The following SGIP1 variants were observed in gnomAD, a reference collection of about 807,000 sequenced individuals.
SGIP1 encodes the protein SH3GL interacting endocytic adaptor 1.
A neutral mutation model predicts 107.5 loss-of-function variants in SGIP1; 38 were observed. That is an observed-to-expected ratio of 0.35 (90% confidence interval 0.27 to 0.46). SGIP1 has a LOEUF of 0.46. SGIP1 is among the 20% of genes least tolerant of loss of function. The probability of loss-of-function intolerance (pLI) is 1.00; values close to 1 mark genes in which losing one functional copy is unlikely to be tolerated. For synonymous variants in SGIP1, 365 were observed against 366.1 expected (o/e 1.00, Z 0.03); for missense variants, 929 against 1,019.5 (o/e 0.91, Z 1.21).
chr1:66,536,476 G>T (rs949058588), intron 1 of SGIP1, among the ~76,000 whole-genome samples: 3 of 152,172 alleles, frequency 2.0e-5, no homozygotes, highest in African/African-American at 4.8e-5. Context: ...TTCCAACTTA[G>T]TTGACAGTCT....
intron 1 of SGIP1, among the ~76,000 whole-genome samples, chr1:66,558,719 C>G (rs2058526433): frequency 6.6e-6 from 1 of 151,248 alleles, no homozygotes; most frequent in Non-Finnish European, 1.5e-5. Flanking sequence ...TTAGCTTAGC[C>G]TTCAGTTTGT....
chr1:66,605,318 T>C (rs1353122458), intron 1 of SGIP1, among the ~76,000 whole-genome samples: 2 of 152,204 alleles, frequency 1.3e-5, no homozygotes, highest in Non-Finnish European at 2.9e-5. Flanking sequence ...GACCAGCCAA[T>C]TGCTCTATGG....
chr1:66,742,032 C>T (rs1428553009), intron 24 of SGIP1, among the ~76,000 whole-genome samples: 1 of 152,148 alleles, frequency 6.6e-6, no homozygotes, highest in East Asian at 1.9e-4. Flanking sequence ...TCCTAAAGTA[C>T]TAAGATTATA....
intron 1 of SGIP1, among the ~76,000 whole-genome samples, chr1:66,547,152 T>C (rs2056551642): frequency 6.6e-6 from 1 of 152,204 alleles, no homozygotes; most frequent in South Asian, 2.1e-4. Context: ...TTTAAAACTC[T>C]ATGATGAATC....
rs1368678434 is a variant in SGIP1 at position 66,743,992 on chromosome 1, T to C, written c.*897T>C. ...TTTAAGATTTCAAGACTTTCCGTAG[T>C]TGAACTGGTTAAGAATTTTTGCTTA... On this transcript the variant is annotated 3_prime_UTR_variant, in exon 25 of 25. Coordinates refer to ENST00000371037, the MANE Select transcript of SGIP1 (RefSeq NM_032291.4). 6.6e-6 allele frequency: 1 copy of C among 152,198 alleles called. No homozygotes were observed. Among genetic ancestry groups the C allele is most frequent in the East Asian group, 1.9e-4 (1 of 5,204 alleles). The allele number at this position is 152,198 out of a possible 1,614,324, so 9.4% of individuals were successfully genotyped here.
intron 1 of SGIP1, among the ~76,000 whole-genome samples, chr1:66,572,069 T>G (rs1025641849): frequency 6.6e-6 from 1 of 152,022 alleles, no homozygotes; most frequent in Non-Finnish European, 1.5e-5. Context: ...AGCACCACCA[T>G]AGTGTCCAAC....
intron 1 of SGIP1, among the ~76,000 whole-genome samples, chr1:66,544,990 C>A (rs946480194): frequency 6.6e-6 from 1 of 152,114 alleles, no homozygotes; most frequent in Admixed American, 6.5e-5. Flanking sequence ...TTCCTCCTTC[C>A]TTCCTGTCCT....
intron 18 of SGIP1, among the ~76,000 whole-genome samples, chr1:66,716,007 T>A (rs953886203): frequency 6.6e-6 from 1 of 152,158 alleles, no homozygotes; most frequent in African/African-American, 2.4e-5. Flanking sequence ...TTGCCTCATT[T>A]TATCCTCAGA....
At chr1:66,596,663 G>A (rs1224868286) in intron 1 of SGIP1, among the ~76,000 whole-genome samples, 1 of 151,272 alleles carries the variant, frequency 6.6e-6, no homozygotes, top group Non-Finnish European at 1.5e-5. Context: ...GCCCCTATCA[G>A]CCTAGGCATT....
chr1:66,665,484 C>T (rs1392922488), intron 8 of SGIP1, among the ~76,000 whole-genome samples: 1 of 152,174 alleles, frequency 6.6e-6, no homozygotes, highest in Non-Finnish European at 1.5e-5. Flanking sequence ...TGGGTATATA[C>T]CCAGTAATGG....
intron 1 of SGIP1, among the ~76,000 whole-genome samples, chr1:66,598,488 G>A (rs954422816): frequency 3.3e-5 from 5 of 152,146 alleles, no homozygotes; most frequent in Admixed American, 1.3e-4. Context: ...TTGTTCTCAT[G>A]TGCTATAAAG....
chr1:66,570,753 C>T (rs2060273213), intron 1 of SGIP1, among the ~76,000 whole-genome samples: 1 of 151,920 alleles, frequency 6.6e-6, no homozygotes. Context: ...ATCACTTGCT[C>T]ACCCACCATG....
intron 1 of SGIP1, among the ~76,000 whole-genome samples, chr1:66,535,291 T>C (rs991901494): frequency 1.3e-5 from 2 of 152,204 alleles, no homozygotes; most frequent in African/African-American, 2.4e-5. Context: ...GCAAAACTCC[T>C]GGCCTTTCCT....
chr1:66,625,749 T>C (rs1413234230), intron 1 of SGIP1, 98 bp from the exon 2 acceptor site: 2 of 1,020,448 alleles, frequency 2.0e-6, no homozygotes, highest in African/African-American at 3.2e-5. Context: ...TTCATTGCTT[T>C]CTAAACATTT....
At chr1:66,720,872 G>A (rs963153944) in intron 19 of SGIP1, among the ~76,000 whole-genome samples, 2 of 152,080 alleles carry the variant, frequency 1.3e-5, no homozygotes, top group South Asian at 2.1e-4. Flanking sequence ...AGTGGAAATT[G>A]GTATAACTAA....
Position 66,719,313 on chromosome 1 carries a change from C to T in SGIP1, c.1650C>T (p.Ser550=). The change falls in exon 19 of 25, where the codon AGC becomes AGT. Residue 550 remains serine (S), a synonymous_variant. Transcript: ENST00000371037. The part of the protein sequence containing the change: ...LTFEGSSRGP[S]PLTMGAQDTL... ...ATGCAGGTTCTTCCAGGGGACCCAG[C>T]CCCCTAACCATGGGAGCTCAGGACA... The T allele has an allele frequency of 6.2e-7, 1 of 1,612,324 alleles. No individual in the cohort carries two copies. The highest frequency in any genetic ancestry group is 8.5e-7 in the Non-Finnish European group (1 of 1,178,970).
At chr1:66,698,723 G>T (rs1471284846) in intron 18 of SGIP1, among the ~76,000 whole-genome samples, 2 of 152,084 alleles carry the variant, frequency 1.3e-5, no homozygotes, top group African/African-American at 4.8e-5. Flanking sequence ...GTATCCTATT[G>T]AAGCTATCAA....
chr1:66,642,907 C>A, intron 6 of SGIP1, 43 bp downstream of exon 6: 8 of 1,479,768 alleles, frequency 5.4e-6, no homozygotes, highest in Non-Finnish European at 7.5e-6. Flanking sequence ...CATTCACTCT[C>A]AGAAAACAGT....
rs192254928 is a variant in SGIP1, at chr1:66,554,697, C to G, written c.10+20329C>G. ...TTGTGTTTAGACTTGGGTCTCATCC[C>G]CAAGATACCTCCTAAGGCATATGCA... On this transcript the variant is annotated intron_variant, in intron 1 of 24. Transcript: ENST00000371037. Among the ~76,000 whole-genome samples the G allele has an allele frequency of 1.1e-4, 16 of 152,044 alleles. 1 individual carries two copies. In the East Asian group the frequency reaches 3.1e-3, roughly 30 times the overall value.
Sources: allele counts gnomAD v4.1 joint callset (sites outside exome capture counted in the v4.1 genomes callset), GRCh38; gene constraint gnomAD v4.1.1; transcripts MANE v1.5; gene names NCBI Gene and HGNC (gene_info 2026-07-23, HGNC 2026-07-21).